WDR19: variants seen among roughly 807,000 people sequenced by gnomAD.
The protein encoded by WDR19 is WD repeat-containing protein 19.
A neutral mutation model predicts 180.0 loss-of-function variants in WDR19; 121 were observed. That is an observed-to-expected ratio of 0.67 (90% confidence interval 0.58 to 0.78). WDR19 has a LOEUF of 0.78. Ranked by LOEUF, WDR19 falls within the 30% of genes least tolerant of loss-of-function variation. The pLI is 0.00. For missense variants in WDR19, 1,450 were observed against 1,640.7 expected (o/e 0.88, Z 2.01); for synonymous variants, 497 against 540.7 (o/e 0.92, Z 1.12).
At chr4:39,278,055 A>AG (rs1736080094) in intron 34 of WDR19, 76 bp from the exon 35 acceptor site, 1 of 1,364,560 alleles carries the variant, frequency 7.3e-7, no homozygotes. Flanking sequence ...TTCCGTCAAA[A>AG]AAAAAAAAAA....
intron 9 of WDR19, chr4:39,205,974 C>T (rs1560491423): frequency 2.5e-6 from 1 of 400,242 alleles, no homozygotes; most frequent in African/African-American, 2.1e-5. Context: ...CACTCCACCC[C>T]ATGTCTCCCA....
Position 39,185,902 on chromosome 4 carries a change from G to GT in WDR19, c.98+97dup, listed in dbSNP as rs1047316810. The GT allele has an allele frequency of 2.5e-5, 21 of 827,568 alleles. No individual in the cohort carries two copies. The African/African-American group carries it at 3.5e-4, about 14-fold the overall frequency. 51.3% of individuals were successfully genotyped at this position (827,568 alleles called of 1,614,324 possible). A position where few individuals can be genotyped will look rare whatever the true frequency, so the allele number is the denominator to read the frequency against. On this transcript the variant is annotated intron_variant, in intron 2 of 36. Coordinates refer to ENST00000399820, the MANE Select transcript of WDR19 (RefSeq NM_025132.4). Reference sequence around the variant, plus strand: ...CTCAGTAGAAGTTTTTTTTGTTGTTGTTTTTTTTTTTTAAATGGAGTCTAG... The same window carrying GT: ...CTCAGTAGAAGTTTTTTTTGTTGTTGTTTTTTTTTTTTTAAATGGAGTCTAG...
chr4:39,266,504 G>T (rs546287241), intron 29 of WDR19, among the ~76,000 whole-genome samples: 1 of 152,358 alleles, frequency 6.6e-6, no homozygotes, highest in South Asian at 2.1e-4. Context: ...AGTTGATCTA[G>T]ACAGACCCTG....
Position 39,228,332 on chromosome 4 carries a change from T to G in WDR19, c.1752T>G (p.Tyr584Ter). The change falls in exon 16 of 37, where the codon TAT becomes TAG. Residue 584 changes from tyrosine to a stop codon, truncating the protein, a stop_gained. Coordinates refer to ENST00000399820, the MANE Select transcript of WDR19 (RefSeq NM_025132.4). LOFTEE classifies it high-confidence loss of function. ...ATGATGATGATAAGGTGTACACTTA[T>G]GTCTTTCACAAGGACACTATACAAG... ...IAYDDDKVYT[Y>*]VFHKDTIQGA... The G allele has an allele frequency of 6.2e-7, 1 of 1,611,722 alleles. No individual in the cohort carries two copies. Among genetic ancestry groups the G allele is most frequent in the East Asian group, 2.2e-5 (1 of 44,812 alleles).
At chr4:39,192,195 G>A (rs929786402) in intron 4 of WDR19, among the ~76,000 whole-genome samples, 5 of 152,174 alleles carry the variant, frequency 3.3e-5, no homozygotes, top group African/African-American at 1.2e-4. Flanking sequence ...CACTGTTGCT[G>A]ATCAGATCTT....
chr4:39,244,513 A>G lies in WDR19; in HGVS notation c.2606A>G (p.Tyr869Cys), dbSNP rs202129445. Reference sequence around the variant, plus strand: ...CAACTGTATGAAAAAGGTCTCTACTACGATAAAGCAGCATCTGTTTACATC... The same window carrying G: ...CAACTGTATGAAAAAGGTCTCTACTGCGATAAAGCAGCATCTGTTTACATC... The part of the protein sequence containing the change: ...AAQLYEKGLY[Y>C]DKAASVYIRS... Residue 869 changes from tyrosine (Y) to cysteine (C), a missense_variant, in exon 23 of 37, where the codon TAC (tyrosine) becomes TGC (cysteine). Transcript: ENST00000399820. 4 of 1,614,044 alleles carry G rather than the reference A, an allele frequency of 2.5e-6. No individual in the cohort carries two copies. The African/African-American group carries it at 5.3e-5, about 22-fold the overall frequency.
intron 15 of WDR19, 70 bp from the exon 16 acceptor site, chr4:39,228,140 G>T: frequency 6.4e-7 from 1 of 1,563,508 alleles, no homozygotes; most frequent in Admixed American, 1.8e-5. Context: ...CTGCAAACAG[G>T]CTTCTACCAC....
intron 36 of WDR19, among the ~76,000 whole-genome samples, chr4:39,279,014 G>A (rs1051066793): frequency 6.6e-6 from 1 of 151,866 alleles, no homozygotes. Context: ...TAAAAATGTT[G>A]GCTTCCAGAG....
chr4:39,229,265 AT>A (rs1379955990), intron 17 of WDR19, among the ~76,000 whole-genome samples: 1 of 152,208 alleles, frequency 6.6e-6, no homozygotes, highest in East Asian at 1.9e-4. Flanking sequence ...TGCAGTAAAC[AT>A]ATGAGTGCAG....
intron 32 of WDR19, 77 bp downstream of exon 32, chr4:39,273,138 G>T (rs2109508721): frequency 1.7e-6 from 2 of 1,145,194 alleles, no homozygotes; most frequent in Non-Finnish European, 2.5e-6. Flanking sequence ...CCTTTTGCAG[G>T]CTCCCCTCAT....
At chr4:39,183,249 G>GTTTTTTTTTT (rs1345010491) in intron 1 of WDR19, among the ~76,000 whole-genome samples, 3 of 22,712 alleles carry the variant, frequency 1.3e-4, no homozygotes, top group Admixed American at 6.3e-4. Context: ...GAAATGGAAG[G>GTTTTTTTTTT]CTTTTTTTTT....
At chr4:39,204,374 C>T (rs907444834) in intron 7 of WDR19, among the ~76,000 whole-genome samples, 3 of 152,146 alleles carry the variant, frequency 2.0e-5, no homozygotes, top group Non-Finnish European at 2.9e-5. Context: ...CGTGAGCCAC[C>T]GCACCCGGCC....
intron 36 of WDR19, among the ~76,000 whole-genome samples, chr4:39,281,226 T>TAGAGAGAGAGAGAG (rs1432490593): frequency 6.9e-5 from 7 of 102,154 alleles, no homozygotes; most frequent in Admixed American, 8.5e-5. Context: ...TATATATATA[T>TAGAGAGAGAGAGAG]ATATATATAT....
At chr4:39,193,222 C>T (rs1305112561) in intron 4 of WDR19, among the ~76,000 whole-genome samples, 8 of 148,024 alleles carry the variant, frequency 5.4e-5, no homozygotes, top group Admixed American at 2.0e-4. Flanking sequence ...AGTGCAGTGG[C>T]GCAATCTTGG....
chr4:39,276,374 A>G (rs1272814814), intron 33 of WDR19, among the ~76,000 whole-genome samples: 2 of 152,162 alleles, frequency 1.3e-5, no homozygotes, highest in East Asian at 1.9e-4. Flanking sequence ...GTTTACCCCA[A>G]CAGCATAGAA....
chr4:39,235,176 G>C (rs1039678480), intron 20 of WDR19, among the ~76,000 whole-genome samples: 5 of 151,934 alleles, frequency 3.3e-5, no homozygotes, highest in African/African-American at 1.2e-4. Flanking sequence ...ACCCAGGCTG[G>C]AGTGCTGTGG....
intron 20 of WDR19, among the ~76,000 whole-genome samples, chr4:39,235,747 C>T (rs1731310156): frequency 6.6e-6 from 1 of 151,008 alleles, no homozygotes; most frequent in South Asian, 2.1e-4. Context: ...CAGCAACAAG[C>T]AAATATCCAG....
At chr4:39,235,006 T>G (rs942228454) in intron 20 of WDR19, 131 bp downstream of exon 20, 1 of 572,820 alleles carries the variant, frequency 1.7e-6, no homozygotes. Flanking sequence ...CTGTATTAAT[T>G]ATATATCTGA....
In WDR19 at chr4:39,231,897, A is replaced by G; in HGVS notation, c.2083A>G (p.Ile695Val). 1 of 1,613,658 alleles carries G rather than the reference A, an allele frequency of 6.2e-7. No individual in the cohort carries two copies. The highest frequency in any genetic ancestry group is 8.5e-7 in the Non-Finnish European group (1 of 1,179,608). The change falls in exon 18 of 37, where the codon ATC becomes GTC. Residue 695 changes from isoleucine to valine, a missense_variant. By Grantham distance (29) the Ile-to-Val change is conservative (BLOSUM62 3). Transcript: ENST00000399820. ...CLHHMEVEFA[I>V]RVYRRIGNVG... ...ACATCACATGGAAGTGGAGTTTGCA[A>G]TCCGTGTTTATCGGAGAATTGGAAA...
Sources: gnomAD v4.1 joint callset for allele counts (sites outside exome capture counted in the v4.1 genomes callset) on GRCh38, gnomAD v4.1.1 for gene constraint, MANE v1.5 for transcripts, NCBI Gene and HGNC (gene_info 2026-07-23, HGNC 2026-07-21) for gene names.